Variants in SYNGR4 observed in about 807,000 individuals in gnomAD.
SYNGR4 encodes the protein synaptogyrin 4.
In SYNGR4, 15 loss-of-function variants were observed where a neutral mutation model predicts 15.5. The observed-to-expected ratio is 0.97, with a 90% CI of 0.65 to 1.49. The LOEUF (loss-of-function observed/expected upper bound fraction) is 1.49. Among genes scored for constraint, SYNGR4 ranks in the 40% most tolerant of loss-of-function variants. The pLI, the probability that SYNGR4 is intolerant of heterozygous loss-of-function variation, is 0.00. For missense variants in SYNGR4, 292 were observed against 299.3 expected (o/e 0.98, Z 0.18); for synonymous variants, 121 against 127.4 (o/e 0.95, Z 0.34).
intron 2 of SYNGR4, among the ~76,000 whole-genome samples, chr19:48,366,720 A>T (rs1159967712): frequency 1.3e-5 from 2 of 152,092 alleles, no homozygotes; most frequent in East Asian, 3.9e-4. Context: ...TAAATTTTTT[A>T]AATCTGGGAT....
Position 48,373,503 on chromosome 19 carries a change from C to T in SYNGR4, c.94-14C>T, listed in dbSNP as rs768242847. On this transcript the variant is annotated splice_polypyrimidine_tract_variant and intron_variant, in intron 2 of 4. Transcript: ENST00000344846. ...GAGAGACTGAGCTCTTCTCTGGCCC[C>T]TGGAAATCCACAGGTCTTCTCCCTG... The T allele has an allele frequency of 1.2e-6, 2 of 1,610,716 alleles. No individual in the cohort carries two copies. Among genetic ancestry groups the T allele is most frequent in the South Asian group, 2.2e-5 (2 of 91,042 alleles).
intron 2 of SYNGR4, among the ~76,000 whole-genome samples, chr19:48,367,203 C>A (rs1002880357): frequency 1.3e-5 from 2 of 150,898 alleles, no homozygotes; most frequent in Non-Finnish European, 1.5e-5. Context: ...GAGGCCGAGG[C>A]GGGCGGATCG....
At chr19:48,368,659 C>T (rs574441108) in intron 2 of SYNGR4, among the ~76,000 whole-genome samples, 30 of 152,290 alleles carry the variant, frequency 2.0e-4, no homozygotes, top group Middle Eastern at 3.4e-3. Flanking sequence ...GGATTACAGG[C>T]GTGAGCCACC....
chr19:48,373,240 A>T lies in SYNGR4; in HGVS notation c.94-277A>T, dbSNP rs1405132716. 7 of 454,744 alleles carry T rather than the reference A, an allele frequency of 1.5e-5. No homozygotes were observed. The South Asian group carries it at 1.7e-4, about 11-fold the overall frequency. 28.2% of individuals were successfully genotyped at this position (454,744 alleles called of 1,614,324 possible). On this transcript the variant is annotated intron_variant, in intron 2 of 4. Coordinates refer to ENST00000344846, the MANE Select transcript of SYNGR4 (RefSeq NM_012451.4). ...GGTGTGGAAAGACTCCCCTGGGGCCATGGTGGAGATGTGCTGAGGTGGGGA... is the reference window on the plus strand; with the variant it reads ...GGTGTGGAAAGACTCCCCTGGGGCCTTGGTGGAGATGTGCTGAGGTGGGGA...
At chr19:48,375,351 AT>A (rs549645894) in intron 3 of SYNGR4, among the ~76,000 whole-genome samples, 16 of 152,114 alleles carry the variant, frequency 1.1e-4, no homozygotes, top group Non-Finnish European at 1.9e-4. Flanking sequence ...ATGAATAGAA[AT>A]TTAAACCGCT....
chr19:48,371,362 C>T (rs547425957), intron 2 of SYNGR4, among the ~76,000 whole-genome samples: 1 of 150,114 alleles, frequency 6.7e-6, no homozygotes, highest in Non-Finnish European at 1.5e-5. Context: ...CCCATCTACA[C>T]ACCAGCTCGT....
intron 1 of SYNGR4, 97 bp from the exon 2 acceptor site, chr19:48,365,639 C>CCCCA: frequency 6.2e-6 from 2 of 322,826 alleles, no homozygotes; most frequent in South Asian, 3.2e-5. Flanking sequence ...CCGGGGACCC[C>CCCCA]CCCCATCCCC....
rs535285830 is a variant in SYNGR4, at chr19:48,369,100, C to T, written c.93+3165C>T. On this transcript the variant is annotated intron_variant, in intron 2 of 4. Coordinates refer to ENST00000344846, the MANE Select transcript of SYNGR4 (RefSeq NM_012451.4). ...AGACGTTCTGGTCACGGACTTTGCC[C>T]GCCGCCTCCTTCCACCGTCCCTACC... Among the ~76,000 whole-genome samples the T allele has an allele frequency of 4.6e-5, 7 of 152,218 alleles. No homozygotes were observed. In the South Asian group the frequency reaches 6.2e-4, roughly 14 times the overall value.
intron 3 of SYNGR4, among the ~76,000 whole-genome samples, chr19:48,375,008 C>T (rs1046568371): frequency 2.1e-4 from 32 of 149,884 alleles, no homozygotes; most frequent in Admixed American, 6.7e-4. Context: ...GAAATGTGGC[C>T]AGTGCAGCTG....
chr19:48,366,713 AT>A (rs1425471352), intron 2 of SYNGR4, among the ~76,000 whole-genome samples: 1 of 151,928 alleles, frequency 6.6e-6, no homozygotes, highest in Middle Eastern at 3.2e-3. Context: ...GCCTAAGTAA[AT>A]TTTTTAAATC....
intron 2 of SYNGR4, among the ~76,000 whole-genome samples, chr19:48,369,939 T>C (rs949147198): frequency 1.3e-5 from 2 of 152,172 alleles, no homozygotes; most frequent in African/African-American, 4.8e-5. Flanking sequence ...AGATGATGGA[T>C]GTGAATACCC....
chr19:48,371,377 G>C (rs1225940627), intron 2 of SYNGR4, among the ~76,000 whole-genome samples: 1 of 121,594 alleles, frequency 8.2e-6, no homozygotes, highest in Non-Finnish European at 1.6e-5. Context: ...GCTCGTCTTT[G>C]TCTGGCACAG....
intron 3 of SYNGR4, 37 bp from the exon 4 acceptor site, chr19:48,375,576 T>C: frequency 6.3e-7 from 1 of 1,589,946 alleles, no homozygotes; most frequent in East Asian, 2.3e-5. Flanking sequence ...TGAGTGAGCT[T>C]TCCCCCTGCC....
rs78224951 is a variant in SYNGR4 at position 48,365,389 on chromosome 19, T to A, written c.-107-347T>A. On this transcript the variant is annotated intron_variant, in intron 1 of 4. Transcript: ENST00000344846. ...ACCCCCATCCTATGCCTCCCACTTC[T>A]GGGACCCCTAGTAGCCCCCTCACCA... 1.6e-4 allele frequency among the ~76,000 whole-genome samples: 7 copies of A among 42,790 alleles called. 1 individual carries two copies. Among genetic ancestry groups the A allele is most frequent in the South Asian group, 1.1e-3 (1 of 910 alleles). 28.1% of individuals were successfully genotyped at this position (42,790 alleles called of 152,430 possible). A position where few individuals can be genotyped will look rare whatever the true frequency, so the allele number is the denominator to read the frequency against.
At position 48,373,053 on chromosome 19, in the gene SYNGR4, G is replaced by A. The variant is rs1341211925; in HGVS notation, c.94-464G>A. The stretch of plus-strand genomic sequence containing the variant: ...TTTATATGGGTACCTGGGTTTGGTG[G>A]CAGAAGGAGAGTGTGGGGGAGGCAG... On this transcript the variant is annotated intron_variant, in intron 2 of 4. Transcript: ENST00000344846. 11 of 168,938 alleles carry A rather than the reference G, an allele frequency of 6.5e-5. No individual in the cohort carries two copies. In the East Asian group the frequency reaches 1.3e-3, roughly 19 times the overall value. The allele number at this position is 168,938 out of a possible 1,614,324, so 10.5% of individuals were successfully genotyped here. A position where few individuals can be genotyped will look rare whatever the true frequency, so the allele number is the denominator to read the frequency against.
intron 3 of SYNGR4, among the ~76,000 whole-genome samples, chr19:48,375,056 CGCTCTGTCGCCCAG>C: frequency 7.1e-6 from 1 of 140,864 alleles, no homozygotes; most frequent in African/African-American, 2.7e-5. Context: ...GACAGAGTTG[CGCTCTGTCGCCCAG>C]GCTGGAGTGC....
Position 48,365,842 on chromosome 19 carries a change from C to T in SYNGR4, c.-1C>T, listed in dbSNP as rs770459337. The T allele has an allele frequency of 5.6e-6, 9 of 1,613,732 alleles. No individual in the cohort carries two copies. The highest frequency in any genetic ancestry group is 7.6e-6 in the Non-Finnish European group (9 of 1,179,972). ...AGTGGCCCCAAAGGAAAACAGCTGC[C>T]ATGCACATCCCCAAAAGCCTCCAGG... On this transcript the variant is annotated 5_prime_UTR_variant, in exon 2 of 5. Coordinates refer to ENST00000344846, the MANE Select transcript of SYNGR4 (RefSeq NM_012451.4).
At chr19:48,370,353 C>T (rs1445044924) in intron 2 of SYNGR4, among the ~76,000 whole-genome samples, 3 of 152,034 alleles carry the variant, frequency 2.0e-5, no homozygotes, top group Non-Finnish European at 2.9e-5. Flanking sequence ...CATGGTATTT[C>T]GCACTTGTAG....
chr19:48,371,447 GAATTT>G (rs2147406720), intron 2 of SYNGR4, among the ~76,000 whole-genome samples: 1 of 152,140 alleles, frequency 6.6e-6, no homozygotes, highest in Non-Finnish European at 1.5e-5. Flanking sequence ...AATTTTCACC[GAATTT>G]CGTTGATAGG....
Sources: allele counts gnomAD v4.1 joint callset (sites outside exome capture counted in the v4.1 genomes callset), GRCh38; gene constraint gnomAD v4.1.1; transcripts MANE v1.5; gene names NCBI Gene and HGNC (gene_info 2026-07-23, HGNC 2026-07-21).